The following STK32B variants were observed in gnomAD, a reference collection of about 807,000 sequenced individuals.
STK32B encodes the protein serine/threonine kinase 32B.
Under a neutral mutation model 52.6 loss-of-function variants are expected in STK32B, and 43 were observed. The ratio of observed to expected loss-of-function variants is 0.82; its 90% confidence interval spans 0.64 to 1.05. The LOEUF (loss-of-function observed/expected upper bound fraction) is 1.05. Ranked by LOEUF, STK32B falls within the 50% of genes least tolerant of loss-of-function variation. STK32B has a pLI of 0.00. For missense variants in STK32B, 621 were observed against 534.6 expected, an observed-to-expected ratio of 1.16 and a Z score of -1.59; for synonymous variants, 238 against 204.3, an observed-to-expected ratio of 1.17 and a Z score of -1.41.
At chr4:5,297,124 T>C (rs944378865) in intron 3 of STK32B, among the ~76,000 whole-genome samples, 2 of 152,200 alleles carry the variant, frequency 1.3e-5, no homozygotes, top group Non-Finnish European at 2.9e-5. Flanking sequence ...GTCTGTCTTG[T>C]AGGGTTTCCG....
At chr4:5,302,646 G>A (rs183711504) in intron 3 of STK32B, among the ~76,000 whole-genome samples, 4 of 152,052 alleles carry the variant, frequency 2.6e-5, no homozygotes, top group Admixed American at 2.6e-4. Flanking sequence ...GAAACAGTTA[G>A]TGTTTGCTTA....
At chr4:5,147,908 A>G (rs1373873359) in intron 2 of STK32B, among the ~76,000 whole-genome samples, 2 of 151,930 alleles carry the variant, frequency 1.3e-5, no homozygotes, top group Non-Finnish European at 2.9e-5. Flanking sequence ...TCAGGGTTAT[A>G]GTAGTCTCAA....
intron 2 of STK32B, among the ~76,000 whole-genome samples, chr4:5,141,744 AG>A (rs1716472045): frequency 6.6e-6 from 1 of 152,092 alleles, no homozygotes; most frequent in African/African-American, 2.4e-5. Flanking sequence ...AGTGGTCCAT[AG>A]GTATAGGGGG....
chr4:5,355,737 G>A (rs139882853), intron 4 of STK32B, among the ~76,000 whole-genome samples: 101 of 152,228 alleles, frequency 6.6e-4, no homozygotes, highest in African/African-American at 2.2e-3. Context: ...GCTCCAGAGA[G>A]TGATATCACC....
chr4:5,051,533 C>T lies in STK32B; in HGVS notation c.-331C>T, dbSNP rs548162636. The T allele has an allele frequency of 2.9e-5, 10 of 345,494 alleles. No individual in the cohort carries two copies. Among genetic ancestry groups the T allele is most frequent in the African/African-American group, 1.3e-4 (6 of 46,518 alleles). The allele number at this position is 345,494 out of a possible 1,614,324, so 21.4% of individuals were successfully genotyped here. On this transcript the variant is annotated 5_prime_UTR_variant, in exon 1 of 12. Transcript: ENST00000282908. ...GCCTCGCGTCTCCCGCCCGCTGTAGCCGGCGAGGAGCGCCGCACGTTGGCC... is the reference window on the plus strand; with the variant it reads ...GCCTCGCGTCTCCCGCCCGCTGTAGTCGGCGAGGAGCGCCGCACGTTGGCC...
chr4:5,070,476 A>G (rs1017019006), intron 1 of STK32B, among the ~76,000 whole-genome samples: 1 of 152,154 alleles, frequency 6.6e-6, no homozygotes, highest in East Asian at 1.9e-4. Flanking sequence ...AGGGGAAAAC[A>G]ATAAAAGTCC....
chr4:5,177,657 A>G (rs922271067), intron 3 of STK32B, among the ~76,000 whole-genome samples: 2 of 152,214 alleles, frequency 1.3e-5, no homozygotes, highest in Non-Finnish European at 2.9e-5. Context: ...AAGCAAGTTA[A>G]TTACTTCCTA....
chr4:5,244,827 A>C (rs868212189), intron 3 of STK32B, among the ~76,000 whole-genome samples: 3 of 152,028 alleles, frequency 2.0e-5, no homozygotes, highest in Non-Finnish European at 2.9e-5. Context: ...CCTTCATTTC[A>C]TTATGTACCC....
chr4:5,445,996 G>A (rs907596120), intron 6 of STK32B, among the ~76,000 whole-genome samples: 6 of 152,158 alleles, frequency 3.9e-5, no homozygotes, highest in Admixed American at 3.9e-4. Context: ...TCAACCCCCT[G>A]GGGGTTCTGT....
chr4:5,275,627 T>C (rs1209575063), intron 3 of STK32B, among the ~76,000 whole-genome samples: 1 of 151,660 alleles, frequency 6.6e-6, no homozygotes, highest in Admixed American at 6.6e-5. Context: ...ATTGCCATCA[T>C]TGCACCCCCA....
chr4:5,343,998 G>A (rs1733281883), intron 4 of STK32B, among the ~76,000 whole-genome samples: 1 of 152,180 alleles, frequency 6.6e-6, no homozygotes, highest in Non-Finnish European at 1.5e-5. Flanking sequence ...GGAAAATAGA[G>A]CAAATGAACA....
chr4:5,073,398 A>C (rs1711890521), intron 1 of STK32B, among the ~76,000 whole-genome samples: 1 of 152,090 alleles, frequency 6.6e-6, no homozygotes, highest in Non-Finnish European at 1.5e-5. Flanking sequence ...TTAAAAACTT[A>C]TAATAGTATA....
At chr4:5,434,827 G>A (rs999127598) in intron 6 of STK32B, among the ~76,000 whole-genome samples, 4 of 152,130 alleles carry the variant, frequency 2.6e-5, no homozygotes, top group South Asian at 2.1e-4. Context: ...AGAGCTTCTG[G>A]CACACAGTAG....
chr4:5,446,620 G>A (rs1169483695), intron 6 of STK32B, 53 bp from the exon 7 acceptor site: 1 of 1,508,260 alleles, frequency 6.6e-7, no homozygotes, highest in Non-Finnish European at 9.2e-7. Context: ...CTAAGGGGTG[G>A]TGGCCATAAA....
chr4:5,358,243 A>C (rs568740515), intron 4 of STK32B, among the ~76,000 whole-genome samples: 2 of 152,342 alleles, frequency 1.3e-5, no homozygotes, highest in African/African-American at 4.8e-5. Flanking sequence ...TTGGGTCGTA[A>C]GTTAACGTCA....
intron 11 of STK32B, among the ~76,000 whole-genome samples, chr4:5,495,363 C>G (rs956976976): frequency 2.3e-4 from 35 of 152,180 alleles, no homozygotes; most frequent in Admixed American, 2.2e-3. Context: ...TCCAGTTGAT[C>G]TCATTGGCTC....
chr4:5,323,714 T>G (rs1278473228), intron 3 of STK32B, among the ~76,000 whole-genome samples: 2 of 152,202 alleles, frequency 1.3e-5, no homozygotes, highest in Non-Finnish European at 2.9e-5. Flanking sequence ...CGTTTGTGGC[T>G]TTTTCATTCC....
intron 4 of STK32B, among the ~76,000 whole-genome samples, chr4:5,354,936 T>C (rs1360065518): frequency 6.6e-6 from 1 of 152,194 alleles, no homozygotes; most frequent in Non-Finnish European, 1.5e-5. Context: ...CTTAATCCGC[T>C]GTAGCTGGCT....
the STK32B span, among the ~76,000 whole-genome samples, chr4:5,038,401 G>A: frequency 2.6e-5 from 4 of 152,152 alleles, no homozygotes; most frequent in East Asian, 1.9e-4. Context: ...TCTGAGAAAC[G>A]TGTGTTGGGC....
Sources: allele counts gnomAD v4.1 joint callset (sites outside exome capture counted in the v4.1 genomes callset), GRCh38; gene constraint gnomAD v4.1.1; transcripts MANE v1.5; gene names NCBI Gene and HGNC (gene_info 2026-07-23, HGNC 2026-07-21).